The following ZMAT4 variants were observed in gnomAD, a reference collection of about 807,000 sequenced individuals.
The protein encoded by ZMAT4 is zinc finger matrin-type protein 4.
A neutral mutation model predicts 28.7 loss-of-function variants in ZMAT4; 17 were observed. That is an observed-to-expected ratio of 0.59 (90% CI 0.41 to 0.89). The LOEUF is 0.89. ZMAT4 is among the 40% of genes least tolerant of loss of function. ZMAT4 has a pLI of 0.00. For missense variants in ZMAT4, 240 were observed against 283.8 expected (o/e 0.85, Z 1.11); for synonymous variants, 117 against 109.2 (o/e 1.07, Z -0.44).
chr8:40,854,219 T>C (rs537190082), intron 1 of ZMAT4, among the ~76,000 whole-genome samples: 362 of 152,084 alleles, frequency 2.4e-3, no homozygotes, highest in Non-Finnish European at 4.0e-3. Context: ...TATATCAGAG[T>C]CTTAGGAAAC....
chr8:40,840,484 T>C (rs1178905016), intron 1 of ZMAT4, among the ~76,000 whole-genome samples: 1 of 152,114 alleles, frequency 6.6e-6, no homozygotes, highest in East Asian at 1.9e-4. Flanking sequence ...CTGCAAAGTC[T>C]CTTCCCTGGC....
rs1226850509 is a variant in ZMAT4, at chr8:40,843,141, G to C, written c.-4-17461C>G. Among the ~76,000 whole-genome samples, 3 of 152,352 alleles carry C rather than the reference G, an allele frequency of 2.0e-5. No individual in the cohort carries two copies. In the East Asian group the frequency reaches 5.8e-4, roughly 29 times the overall value. ...AGCTCTGAAATGCAAGCCCCTGACAGAGAGGCAAGGCCAAGAAGCAATTTT... is the reference window on the plus strand; with the variant it reads ...AGCTCTGAAATGCAAGCCCCTGACACAGAGGCAAGGCCAAGAAGCAATTTT... On this transcript the variant is annotated intron_variant, in intron 1 of 6. Transcript: ENST00000297737.
At chr8:40,735,905 C>T (rs951696116) in intron 3 of ZMAT4, among the ~76,000 whole-genome samples, 5 of 152,036 alleles carry the variant, frequency 3.3e-5, no homozygotes, top group Non-Finnish European at 7.4e-5. Flanking sequence ...AGTGACTTGT[C>T]CCAGGGCACA....
At position 40,601,450 on chromosome 8, in the gene ZMAT4, AAGGAAGGGAGG is replaced by A. The variant is rs1563359854; in HGVS notation, c.578-20200_578-20190del. Among the ~76,000 whole-genome samples the A allele has an allele frequency of 8.0e-5, 7 of 87,736 alleles. 2 individuals are homozygous for A. Among genetic ancestry groups the A allele is most frequent in the African/African-American group, 1.6e-4 (4 of 24,558 alleles). 57.6% of individuals were successfully genotyped at this position (87,736 alleles called of 152,430 possible). ...GAAGGAAGGAAGGAAGGAAGGAAGGAAGGAAGGGAGGAAGAAAGGAAAGAAAGAAAGAAAGA... is the reference window on the plus strand; with the variant it reads ...GAAGGAAGGAAGGAAGGAAGGAAGGAAAGAAAGGAAAGAAAGAAAGAAAGA... On this transcript the variant is annotated intron_variant, in intron 5 of 6. Transcript: ENST00000297737.
rs956148184 is a variant in ZMAT4, at chr8:40,782,189, C to T, written c.103-14459G>A. Among the ~76,000 whole-genome samples the T allele has an allele frequency of 2.0e-5, 3 of 151,908 alleles. No individual in the cohort carries two copies. The East Asian group carries it at 5.8e-4, about 30-fold the overall frequency. On this transcript the variant is annotated intron_variant, in intron 2 of 6. Coordinates refer to ENST00000297737, the MANE Select transcript of ZMAT4 (RefSeq NM_024645.3). ...GATCTCGAGGTCAGGAGTTCAAGAC[C>T]AGCCTGGCCAATATGGTGAAACCCC...
intron 5 of ZMAT4, among the ~76,000 whole-genome samples, chr8:40,633,903 C>T (rs1185221961): frequency 6.6e-6 from 1 of 152,158 alleles, no homozygotes; most frequent in Non-Finnish European, 1.5e-5. Context: ...AGCAGCTTAG[C>T]TATGAGTTAC....
chr8:40,762,133 C>T (rs144708471), intron 3 of ZMAT4, among the ~76,000 whole-genome samples: 139 of 152,294 alleles, frequency 9.1e-4, no homozygotes, highest in African/African-American at 2.9e-3. Flanking sequence ...TAAATGTCAA[C>T]GTTACGCACA....
chr8:40,860,863 C>T (rs1246139906), intron 1 of ZMAT4, among the ~76,000 whole-genome samples: 3 of 152,184 alleles, frequency 2.0e-5, no homozygotes, highest in Admixed American at 2.0e-4. Flanking sequence ...AGGGGAAGCA[C>T]CTGGCCCTAT....
chr8:40,615,508 T>A (rs1031600244), intron 5 of ZMAT4, among the ~76,000 whole-genome samples: 3 of 152,238 alleles, frequency 2.0e-5, no homozygotes, highest in Non-Finnish European at 4.4e-5. Flanking sequence ...CTGGATGATA[T>A]CCTGCAGAGT....
chr8:40,888,284 G>T (rs1057514594), intron 1 of ZMAT4, among the ~76,000 whole-genome samples: 11 of 152,158 alleles, frequency 7.2e-5, no homozygotes, highest in African/African-American at 2.7e-4. Flanking sequence ...TCCATGCCTG[G>T]CTATTATGCC....
At position 40,828,964 on chromosome 8, in the gene ZMAT4, A is replaced by G. The variant is rs555133346; in HGVS notation, c.-4-3284T>C. 5.3e-5 allele frequency among the ~76,000 whole-genome samples: 8 copies of G among 152,196 alleles called. No individual in the cohort carries two copies. In the East Asian group the frequency reaches 1.5e-3, roughly 29 times the overall value. On this transcript the variant is annotated intron_variant, in intron 1 of 6. Coordinates refer to ENST00000297737, the MANE Select transcript of ZMAT4 (RefSeq NM_024645.3). ...GACAGCTGGTAAGAAAAAGGAAAAA[A>G]AAAAAAAATTTCCAGTTTTTTAGCC...
intron 2 of ZMAT4, among the ~76,000 whole-genome samples, chr8:40,791,447 C>T (rs942431554): frequency 1.3e-5 from 2 of 152,226 alleles, no homozygotes; most frequent in African/African-American, 4.8e-5. Flanking sequence ...AAAGTGATTT[C>T]ATGTATACTA....
intron 6 of ZMAT4, among the ~76,000 whole-genome samples, chr8:40,550,074 C>CA (rs773770004): frequency 2.6e-5 from 4 of 152,116 alleles, no homozygotes; most frequent in Non-Finnish European, 5.9e-5. Context: ...GAGTGTGTCT[C>CA]ACAGTACTTT....
intron 5 of ZMAT4, among the ~76,000 whole-genome samples, chr8:40,620,724 A>G (rs977367474): frequency 6.6e-6 from 1 of 152,226 alleles, no homozygotes; most frequent in Non-Finnish European, 1.5e-5. Context: ...GAGAAATTCC[A>G]TAACAAATGG....
intron 1 of ZMAT4, among the ~76,000 whole-genome samples, chr8:40,876,855 G>A (rs965876924): frequency 6.6e-6 from 1 of 152,210 alleles, no homozygotes; most frequent in Non-Finnish European, 1.5e-5. Context: ...CAGATGGACT[G>A]TATTACGAAT....
chr8:40,610,291 C>A (rs1563365238), intron 5 of ZMAT4, among the ~76,000 whole-genome samples: 1 of 152,164 alleles, frequency 6.6e-6, no homozygotes, highest in Non-Finnish European at 1.5e-5. Flanking sequence ...TTTGTATGCA[C>A]AAAGAACACC....
chr8:40,737,289 T>C, intron 3 of ZMAT4, among the ~76,000 whole-genome samples: 1 of 152,082 alleles, frequency 6.6e-6, no homozygotes, highest in Non-Finnish European at 1.5e-5. Context: ...ACTCTTCTTC[T>C]TCCAATGTGA....
chr8:40,584,844 G>A (rs973356105), intron 5 of ZMAT4, among the ~76,000 whole-genome samples: 1 of 152,108 alleles, frequency 6.6e-6, no homozygotes, highest in Non-Finnish European at 1.5e-5. Flanking sequence ...ATGTTGGCCA[G>A]GCTGGTCTCA....
chr8:40,563,951 A>G (rs1016863924), intron 6 of ZMAT4, among the ~76,000 whole-genome samples: 1 of 152,068 alleles, frequency 6.6e-6, no homozygotes, highest in Non-Finnish European at 1.5e-5. Context: ...GAAACCAATG[A>G]GTTTCCACCC....
Sources: allele counts gnomAD v4.1 joint callset (sites outside exome capture counted in the v4.1 genomes callset), GRCh38; gene constraint gnomAD v4.1.1; transcripts MANE v1.5; gene names NCBI Gene and HGNC (gene_info 2026-07-23, HGNC 2026-07-21).